Variants in AK9 observed in about 807,000 individuals in gnomAD.
The protein encoded by AK9 is adenylate kinase domain containing 1.
A neutral mutation model predicts 239.6 loss-of-function variants in AK9; 191 were observed. The ratio of observed to expected loss-of-function variants is 0.80; its 90% CI spans 0.71 to 0.90. The LOEUF (loss-of-function observed/expected upper bound fraction) is 0.90, where lower values mean the gene tolerates loss of function less well. Ranked by LOEUF, AK9 falls within the 40% of genes least tolerant of loss-of-function variation. AK9 has a pLI of 0.00. For synonymous variants in AK9, 689 were observed against 721.0 expected (o/e 0.96, Z 0.71); for missense variants, 1,995 against 2,214.7 (o/e 0.90, Z 1.99).
chr6:109,625,494 G>A (rs536213493), intron 12 of AK9, among the ~76,000 whole-genome samples: 5 of 152,194 alleles, frequency 3.3e-5, no homozygotes, highest in Admixed American at 6.5e-5. Flanking sequence ...GGAGGTGAGC[G>A]GTCGATGAGC....
At chr6:109,684,801 G>A (rs1167646998) in intron 1 of AK9, among the ~76,000 whole-genome samples, 1 of 134,982 alleles carries the variant, frequency 7.4e-6, no homozygotes, top group Non-Finnish European at 1.5e-5. Context: ...GTGAACCCGG[G>A]AGGCAGAGCT....
At chr6:109,586,972 T>C (rs961903401) in intron 17 of AK9, among the ~76,000 whole-genome samples, 2 of 152,120 alleles carry the variant, frequency 1.3e-5, no homozygotes, top group Non-Finnish European at 2.9e-5. Context: ...TTTAAAATTA[T>C]CTGCTTTTTG....
At chr6:109,573,405 G>A (rs1367915154) in intron 21 of AK9, 37 bp downstream of exon 21, 1 of 1,521,572 alleles carries the variant, frequency 6.6e-7, no homozygotes, top group Non-Finnish European at 8.8e-7. Flanking sequence ...TAATGCACAT[G>A]AGTAGAATTA....
rs546393597 is a variant in AK9, at chr6:109,684,295, C to T, written c.-12+6852G>A. Among the ~76,000 whole-genome samples the T allele has an allele frequency of 8.5e-5, 13 of 152,220 alleles. No homozygotes were observed. In the South Asian group the frequency reaches 2.7e-3, roughly 32 times the overall value. ...CGTAAGACCCAGGACCATAAAAATC[C>T]TAGAAGAAAACCTGCGCAATACCAT... On this transcript the variant is annotated intron_variant, in intron 1 of 40. Transcript: ENST00000424296.
intron 6 of AK9, 44 bp downstream of exon 6, chr6:109,662,507 A>G: frequency 7.3e-7 from 1 of 1,367,292 alleles, no homozygotes; most frequent in Admixed American, 2.7e-5. Flanking sequence ...ACTACTATCA[A>G]AAAGAATGGT....
chr6:109,636,228 T>TG (rs2128279148), intron 10 of AK9, among the ~76,000 whole-genome samples: 1 of 152,192 alleles, frequency 6.6e-6, no homozygotes, highest in East Asian at 1.9e-4. Context: ...CCTCCTCTCC[T>TG]GCAACTCAGC....
chr6:109,496,775 T>G (rs548294439), intron 38 of AK9, among the ~76,000 whole-genome samples: 1 of 152,174 alleles, frequency 6.6e-6, no homozygotes, highest in Non-Finnish European at 1.5e-5. Flanking sequence ...ACAAGATCAC[T>G]CTGGCAGCCT....
At chr6:109,536,965 T>A (rs1782086358) in intron 27 of AK9, among the ~76,000 whole-genome samples, 1 of 152,182 alleles carries the variant, frequency 6.6e-6, no homozygotes, top group Non-Finnish European at 1.5e-5. Context: ...CACTTGATCA[T>A]GGTGCATAAG....
At chr6:109,534,752 C>T (rs1275133452) in intron 27 of AK9, among the ~76,000 whole-genome samples, 1 of 152,042 alleles carries the variant, frequency 6.6e-6, no homozygotes. Flanking sequence ...GCTATCCCTC[C>T]CCCACTCCCC....
intron 35 of AK9, among the ~76,000 whole-genome samples, chr6:109,501,253 G>T (rs1353555650): frequency 1.3e-5 from 2 of 152,180 alleles, no homozygotes; most frequent in African/African-American, 4.8e-5. Flanking sequence ...GGCCAGAGGT[G>T]TCATGTCACT....
At chr6:109,564,572 C>A (rs977384598) in intron 22 of AK9, among the ~76,000 whole-genome samples, 184 bp downstream of exon 22, 2 of 136,704 alleles carry the variant, frequency 1.5e-5, no homozygotes, top group Non-Finnish European at 3.3e-5. Flanking sequence ...GTGTAAAAAC[C>A]AGTGTTATAA....
intron 32 of AK9, 60 bp from the exon 33 acceptor site, chr6:109,509,440 C>A: frequency 7.0e-7 from 1 of 1,431,626 alleles, no homozygotes; most frequent in Non-Finnish European, 9.5e-7. Flanking sequence ...GGGACATGTG[C>A]AGTTTTGTTA....
chr6:109,559,463 G>A (rs1047532489), intron 24 of AK9, among the ~76,000 whole-genome samples: 21 of 152,292 alleles, frequency 1.4e-4, no homozygotes, highest in African/African-American at 3.8e-4. Context: ...CACTGTGCCC[G>A]GCCTGGTATA....
Position 109,614,216 on chromosome 6 carries a change from G to C in AK9, c.1576C>G (p.Leu526Val). The C allele has an allele frequency of 1.3e-6, 2 of 1,551,288 alleles. No individual in the cohort carries two copies. The highest frequency in any genetic ancestry group is 1.7e-6 in the Non-Finnish European group (2 of 1,146,726). ...EEAKTKSENV[L>V]HDQAAKVDKD... ...TCAACTTTAGCAGCTTGATCATGGA[G>C]GACATTTTCTGACTTTGTTTTGGCT... Residue 526 changes from leucine (L) to valine (V), a missense_variant, in exon 15 of 41, where the codon CTC becomes GTC. Leu to Val is a conservative substitution (Grantham distance 32, BLOSUM62 1). Transcript: ENST00000424296.
chr6:109,521,613 C>T (rs775152188), intron 29 of AK9, among the ~76,000 whole-genome samples: 2 of 152,000 alleles, frequency 1.3e-5, no homozygotes, highest in Non-Finnish European at 2.9e-5. Context: ...TAAAAGTAAG[C>T]AAACAGCATT....
chr6:109,538,883 T>C (rs1782423475), intron 27 of AK9, among the ~76,000 whole-genome samples: 3 of 152,208 alleles, frequency 2.0e-5, no homozygotes, highest in South Asian at 4.1e-4. Flanking sequence ...TGGCTGGATA[T>C]GAAATTCTGG....
At chr6:109,636,571 C>T (rs1310864450) in intron 10 of AK9, among the ~76,000 whole-genome samples, 1 of 151,166 alleles carries the variant, frequency 6.6e-6, no homozygotes. Flanking sequence ...TCCCCCCAGC[C>T]CCTGGTAACC....
At position 109,493,356 on chromosome 6, in the gene AK9, T is replaced by C. The variant is rs1161022080; in HGVS notation, c.*13A>G. On this transcript the variant is annotated 3_prime_UTR_variant, in exon 41 of 41. Transcript: ENST00000424296. ...ATAACTCTTGAGATTCAGGCTGCTA[T>C]CACCTAAGTAAACTACCCATTAATT... 1.2e-6 allele frequency: 2 copies of C among 1,606,406 alleles called. No individual in the cohort carries two copies. The highest frequency in any genetic ancestry group is 1.1e-5 in the South Asian group (1 of 90,788).
At chr6:109,648,203 T>C (rs866267790) in intron 8 of AK9, among the ~76,000 whole-genome samples, 1 of 151,852 alleles carries the variant, frequency 6.6e-6, no homozygotes, top group Non-Finnish European at 1.5e-5. Context: ...AGCAAACACA[T>C]TGAAAAGCTA....
Sources: allele counts gnomAD v4.1 joint callset (sites outside exome capture counted in the v4.1 genomes callset), GRCh38; gene constraint gnomAD v4.1.1; transcripts MANE v1.5; gene names NCBI Gene and HGNC (gene_info 2026-07-23, HGNC 2026-07-21).